Variants in RAP1GAP2 observed in about 807,000 individuals in gnomAD.
RAP1GAP2 encodes the protein RAP1 GTPase activating protein 2.
RAP1GAP2 carries 27 observed loss-of-function variants against 95.0 expected under a neutral mutation model. The observed-to-expected ratio is 0.28, with a 90% CI of 0.21 to 0.39. The LOEUF (loss-of-function observed/expected upper bound fraction) is 0.39, where lower values mean the gene tolerates loss of function less well. RAP1GAP2 is among the 10% of genes least tolerant of loss of function. RAP1GAP2 has a pLI of 1.00. For synonymous variants in RAP1GAP2, 373 were observed against 380.9 expected (o/e 0.98, Z 0.24); for missense variants, 771 against 970.0 (o/e 0.79, Z 2.72).
intron 3 of RAP1GAP2, among the ~76,000 whole-genome samples, chr17:2,942,207 C>T (rs974399970): frequency 3.3e-5 from 5 of 152,142 alleles, no homozygotes; most frequent in East Asian, 1.9e-4. Flanking sequence ...CCTCCCTCCC[C>T]GAGTACGTGT....
chr17:2,931,280 T>TTTG (rs1491294566), intron 3 of RAP1GAP2, among the ~76,000 whole-genome samples: 1 of 146,666 alleles, frequency 6.8e-6, no homozygotes, highest in African/African-American at 2.6e-5. Flanking sequence ...TGAGTGTTTC[T>TTTG]TGTGTGTGTG....
chr17:2,882,682 C>T (rs2073352084), intron 2 of RAP1GAP2, among the ~76,000 whole-genome samples: 1 of 152,178 alleles, frequency 6.6e-6, no homozygotes, highest in South Asian at 2.1e-4. Context: ...GTGTCTCCTT[C>T]CTGGAGAATG....
intron 3 of RAP1GAP2, among the ~76,000 whole-genome samples, chr17:2,915,934 G>C (rs1315868837): frequency 6.6e-6 from 1 of 151,882 alleles, no homozygotes; most frequent in African/African-American, 2.4e-5. Context: ...TCCTGATCTC[G>C]TGATCCGCCC....
chr17:2,878,941 G>A (rs2073190947), intron 2 of RAP1GAP2, among the ~76,000 whole-genome samples: 1 of 152,196 alleles, frequency 6.6e-6, no homozygotes, highest in African/African-American at 2.4e-5. Context: ...CGGTTGTGAC[G>A]ATCAGTGAGA....
intron 2 of RAP1GAP2, among the ~76,000 whole-genome samples, chr17:2,818,808 AGGCAG>A (rs1269681387): frequency 6.6e-6 from 1 of 152,186 alleles, no homozygotes; most frequent in Non-Finnish European, 1.5e-5. Context: ...GTGAGACCTC[AGGCAG>A]GTTCCTTCAT....
intron 2 of RAP1GAP2, among the ~76,000 whole-genome samples, chr17:2,802,365 T>C (rs988920701): frequency 6.6e-6 from 1 of 152,200 alleles, no homozygotes; most frequent in Admixed American, 6.5e-5. Context: ...AGGGCCGGGA[T>C]GGAGGACAGA....
intron 2 of RAP1GAP2, among the ~76,000 whole-genome samples, chr17:2,808,090 G>A (rs1039810739): frequency 1.3e-5 from 2 of 152,132 alleles, no homozygotes; most frequent in Non-Finnish European, 2.9e-5. Flanking sequence ...TTGCTTTGCT[G>A]AGCTTTTTTC....
At chr17:2,772,828 G>A (rs1330354502), upstream of RAP1GAP2, among the ~76,000 whole-genome samples, 3 of 146,714 alleles carry the variant, frequency 2.0e-5, no homozygotes, top group Non-Finnish European at 4.5e-5. Context: ...GAAAAGGGGC[G>A]TAATTTCTTT....
chr17:2,835,854 A>G (rs932087631), intron 2 of RAP1GAP2, among the ~76,000 whole-genome samples: 3 of 152,178 alleles, frequency 2.0e-5, no homozygotes, highest in Admixed American at 2.0e-4. Context: ...GATTTTACGG[A>G]AGAAAGATGA....
At chr17:2,861,598 G>T (rs916535542) in intron 2 of RAP1GAP2, among the ~76,000 whole-genome samples, 1 of 150,876 alleles carries the variant, frequency 6.6e-6, no homozygotes, top group South Asian at 2.1e-4. Context: ...CTCCCAAGTA[G>T]CTGGGATTAC....
chr17:2,891,880 A>G (rs75694783), intron 2 of RAP1GAP2, among the ~76,000 whole-genome samples: 23,855 of 131,346 alleles, frequency 0.18, 2,102 homozygotes, highest in Non-Finnish European at 0.2. Context: ...CTGGAGTGTA[A>G]TGATGTGATC....
intron 2 of RAP1GAP2, among the ~76,000 whole-genome samples, chr17:2,815,017 G>A (rs940526329): frequency 2.0e-5 from 3 of 152,106 alleles, no homozygotes; most frequent in African/African-American, 7.2e-5. Context: ...GCAGCTGAAC[G>A]TAGGCTGGAC....
chr17:2,842,103 T>C (rs1192211872), intron 2 of RAP1GAP2, among the ~76,000 whole-genome samples: 1 of 152,146 alleles, frequency 6.6e-6, no homozygotes, highest in Non-Finnish European at 1.5e-5. Flanking sequence ...TTGGGGTCCT[T>C]GTCATTCTCA....
rs1425790162 is a variant in RAP1GAP2, at chr17:3,001,497, AGCCTC to A, written c.1200+3122_1200+3126del. Among the ~76,000 whole-genome samples the A allele has an allele frequency of 3.8e-4, 34 of 89,458 alleles. 8 individuals carry two copies. Among genetic ancestry groups the A allele is most frequent in the African/African-American group, 1.7e-3 (34 of 20,574 alleles). The allele number at this position is 89,458 out of a possible 152,430, so 58.7% of individuals were successfully genotyped here. A position where few individuals can be genotyped will look rare whatever the true frequency, so the allele number is the denominator to read the frequency against. ...TGAGGCTCGTGGAGGTAACAAGATC[AGCCTC>A]AGGGCCTTCCTGATGCCGGAGAAGG... On this transcript the variant is annotated intron_variant, in intron 14 of 24. Transcript: ENST00000254695.
intron 2 of RAP1GAP2, among the ~76,000 whole-genome samples, chr17:2,771,062 AAACAAAC>A (rs1228357233): frequency 6.6e-6 from 1 of 152,090 alleles, no homozygotes; most frequent in Non-Finnish European, 1.5e-5. Flanking sequence ...ACAAACAAAC[AAACAAAC>A]AACAAACAAC....
intron 12 of RAP1GAP2, 88 bp downstream of exon 12, chr17:2,991,485 T>C: frequency 9.8e-7 from 1 of 1,022,592 alleles, no homozygotes; most frequent in Non-Finnish European, 1.5e-6. Flanking sequence ...GGAGCACGTG[T>C]GAGTTAAAAA....
At position 2,902,533 on chromosome 17, in the gene RAP1GAP2, T is replaced by G. The variant is rs943814399; in HGVS notation, c.81-2751T>G. On this transcript the variant is annotated intron_variant, in intron 2 of 24. Transcript: ENST00000254695. The surrounding 1 kb of genome is among the most constrained non-coding windows in gnomAD (Gnocchi z 4.1). ...CGCTCTGGGCCCAGTTCAGATGTTT[T>G]TGAGGGTGGCAGTCATGCCTTCTGC... 6.6e-6 allele frequency among the ~76,000 whole-genome samples: 1 copy of G among 152,168 alleles called. No individual in the cohort carries two copies. Among genetic ancestry groups the G allele is most frequent in the African/African-American group, 2.4e-5 (1 of 41,442 alleles).
Position 2,983,587 on chromosome 17 carries a change from C to T in RAP1GAP2, c.730-1396C>T, listed in dbSNP as rs79886560. Among the ~76,000 whole-genome samples, 28 of 152,334 alleles carry T rather than the reference C, an allele frequency of 1.8e-4. No homozygotes were observed. The East Asian group carries it at 5.2e-3, about 28-fold the overall frequency. On this transcript the variant is annotated intron_variant, in intron 10 of 24. Transcript: ENST00000254695. ...TGGTCTTCAAATTCAGCTCAGATCA[C>T]TCAAGTCGAAAGTACTCTGCTAAGT...
chr17:2,818,374 G>C (rs2070131600), intron 2 of RAP1GAP2, among the ~76,000 whole-genome samples: 2 of 151,088 alleles, frequency 1.3e-5, no homozygotes. Flanking sequence ...GCCCAGGCTG[G>C]AGTGCAGTGG....
Sources: gnomAD v4.1 joint callset for allele counts (sites outside exome capture counted in the v4.1 genomes callset) on GRCh38, gnomAD v4.1.1 for gene constraint, Gnocchi (gnomAD v3.1) non-coding constraint, MANE v1.5 for transcripts, NCBI Gene and HGNC (gene_info 2026-07-23, HGNC 2026-07-21) for gene names.